TPP2: variants seen among roughly 807,000 people sequenced by gnomAD.
The protein encoded by TPP2 is tripeptidyl peptidase 2.
In TPP2, 34 loss-of-function variants were observed where a neutral mutation model predicts 155.9. The ratio of observed to expected loss-of-function variants is 0.22; its 90% CI spans 0.17 to 0.29. The LOEUF is 0.29. Ranked by LOEUF, TPP2 falls within the 10% of genes least tolerant of loss-of-function variation. The pLI is 1.00. For missense variants in TPP2, 1,028 were observed against 1,522.3 expected, an observed-to-expected ratio of 0.68 and a Z score of 5.40; for synonymous variants, 510 against 529.4, an observed-to-expected ratio of 0.96 and a Z score of 0.50.
chr13:102,625,411 G>A (rs533920707), intron 6 of TPP2, among the ~76,000 whole-genome samples: 7 of 151,882 alleles, frequency 4.6e-5, no homozygotes, highest in East Asian at 1.9e-4. Context: ...TGATCCGCCC[G>A]CCTCGGCTTC....
At chr13:102,611,842 G>GT (rs763430932) in intron 2 of TPP2, among the ~76,000 whole-genome samples, 36 of 151,978 alleles carry the variant, frequency 2.4e-4, no homozygotes, top group Non-Finnish European at 4.7e-4. Context: ...CCTTTTTTCT[G>GT]TAAAAAGACC....
At chr13:102,611,006 A>G (rs868711701) in intron 2 of TPP2, among the ~76,000 whole-genome samples, 8 of 152,296 alleles carry the variant, frequency 5.3e-5, no homozygotes, top group Middle Eastern at 3.4e-3. Context: ...TACATAAAAT[A>G]TATTGTTTAG....
At chr13:102,651,488 TAA>T in intron 24 of TPP2, 91 bp downstream of exon 24, 1 of 1,333,816 alleles carries the variant, frequency 7.5e-7, no homozygotes, top group Admixed American at 2.1e-5. Flanking sequence ...TTTTTTTTAA[TAA>T]GTCTCCCTTA....
chr13:102,606,694 C>T (rs1047739425), intron 2 of TPP2, among the ~76,000 whole-genome samples: 1 of 152,200 alleles, frequency 6.6e-6, no homozygotes. Flanking sequence ...ACCTTCTTTA[C>T]GTACCATAAC....
chr13:102,618,299 A>G (rs1880901965), intron 4 of TPP2, among the ~76,000 whole-genome samples: 2 of 152,242 alleles, frequency 1.3e-5, no homozygotes, highest in African/African-American at 4.8e-5. Flanking sequence ...TTCTTAAGAA[A>G]TAAATTTGAG....
At chr13:102,663,871 TTG>T (rs1290419496) in intron 26 of TPP2, 127 bp downstream of exon 26, 2 of 738,962 alleles carry the variant, frequency 2.7e-6, no homozygotes, top group Non-Finnish European at 2.0e-6. Flanking sequence ...AAATTGAATG[TTG>T]TGTTAAGCTG....
intron 2 of TPP2, among the ~76,000 whole-genome samples, chr13:102,608,490 T>A (rs1000204518): frequency 3.3e-5 from 5 of 152,132 alleles, no homozygotes; most frequent in African/African-American, 9.7e-5. Context: ...AATTTTTAAA[T>A]TTTTTTCCAC....
At chr13:102,610,118 G>A (rs1880166073) in intron 2 of TPP2, among the ~76,000 whole-genome samples, 1 of 152,144 alleles carries the variant, frequency 6.6e-6, no homozygotes, top group African/African-American at 2.4e-5. Flanking sequence ...TAATCACTGG[G>A]ATTCTGACTA....
At chr13:102,640,796 C>A (rs757090207) in intron 16 of TPP2, among the ~76,000 whole-genome samples, 1 of 151,732 alleles carries the variant, frequency 6.6e-6, no homozygotes, top group Non-Finnish European at 1.5e-5. Flanking sequence ...GACTAGCAGG[C>A]GTGTGCTACC....
intron 29 of TPP2, among the ~76,000 whole-genome samples, chr13:102,677,742 G>A (rs1566380672): frequency 6.6e-6 from 1 of 152,128 alleles, no homozygotes; most frequent in Non-Finnish European, 1.5e-5. Context: ...AGTTTATATT[G>A]TGTCAAATAT....
At chr13:102,600,264 G>C (rs1879324323) in intron 1 of TPP2, among the ~76,000 whole-genome samples, 1 of 152,054 alleles carries the variant, frequency 6.6e-6, no homozygotes, top group Non-Finnish European at 1.5e-5. Context: ...GCCTTTACAT[G>C]TGGCGTTTCA....
At chr13:102,668,360 G>GT (rs886735534) in intron 27 of TPP2, among the ~76,000 whole-genome samples, 59 of 152,164 alleles carry the variant, frequency 3.9e-4, no homozygotes, top group African/African-American at 9.6e-4. Flanking sequence ...CCCATTTTCT[G>GT]TTTTTTTGCA....
chr13:102,611,163 A>G (rs1181357941), intron 2 of TPP2, among the ~76,000 whole-genome samples: 2 of 152,204 alleles, frequency 1.3e-5, no homozygotes, highest in Non-Finnish European at 2.9e-5. Context: ...TTGCTGTGCA[A>G]TATGCCATGG....
intron 2 of TPP2, among the ~76,000 whole-genome samples, chr13:102,608,950 T>C (rs1313477902): frequency 2.6e-5 from 4 of 152,218 alleles, no homozygotes; most frequent in Admixed American, 2.6e-4. Flanking sequence ...GGTTTCACTA[T>C]AGGGTAATGA....
chr13:102,638,968 G>A (rs1446491595), intron 15 of TPP2, among the ~76,000 whole-genome samples: 4 of 152,140 alleles, frequency 2.6e-5, no homozygotes, highest in South Asian at 4.1e-4. Flanking sequence ...ACTGATTTTG[G>A]CACTTGAGGA....
chr13:102,628,810 C>T (rs952289651), intron 8 of TPP2, among the ~76,000 whole-genome samples: 2 of 152,088 alleles, frequency 1.3e-5, no homozygotes, highest in Middle Eastern at 3.2e-3. Flanking sequence ...CTTTATTTTA[C>T]TTAACTGTAT....
intron 1 of TPP2, among the ~76,000 whole-genome samples, chr13:102,603,561 G>C (rs180839618): frequency 6.8e-4 from 104 of 152,264 alleles, no homozygotes; most frequent in African/African-American, 2.4e-3. Context: ...AAAAAGTTTG[G>C]CATGTTTCAG....
chr13:102,616,775 C>T (rs1354215855), intron 4 of TPP2, among the ~76,000 whole-genome samples: 1 of 152,238 alleles, frequency 6.6e-6, no homozygotes, highest in African/African-American at 2.4e-5. Context: ...CTAGGAATTT[C>T]TCTTGTGCCC....
intron 10 of TPP2, among the ~76,000 whole-genome samples, chr13:102,633,026 A>G (rs535249126): frequency 6.6e-6 from 1 of 152,198 alleles, no homozygotes; most frequent in Non-Finnish European, 1.5e-5. Flanking sequence ...AAATTGCTCT[A>G]GTGTTTCTAC....
Sources: gnomAD v4.1 joint callset for allele counts (sites outside exome capture counted in the v4.1 genomes callset) on GRCh38, gnomAD v4.1.1 for gene constraint, MANE v1.5 for transcripts, NCBI Gene and HGNC (gene_info 2026-07-23, HGNC 2026-07-21) for gene names.